Variants in SPRR2G observed in about 807,000 individuals in gnomAD.
SPRR2G encodes small proline-rich protein 2G.
SPRR2G carries 1 observed loss-of-function variant against 0.7 expected under a neutral mutation model. The ratio of observed to expected loss-of-function variants is 1.49; its 90% CI spans 0.53 to 7.06. SPRR2G has a LOEUF of 7.06. Ranked by LOEUF, SPRR2G falls within the 30% of genes most tolerant of loss-of-function variation. SPRR2G has a pLI of 0.14. For synonymous variants in SPRR2G, 38 were observed against 33.9 expected (o/e 1.12, Z -0.42); for missense variants, 96 against 88.5 (o/e 1.09, Z -0.34).
the SPRR2G span, among the ~76,000 whole-genome samples, chr1:153,193,651 A>C: frequency 6.6e-6 from 1 of 152,100 alleles, no homozygotes. Flanking sequence ...CATATGAAAG[A>C]TGCTAAACAC....
the SPRR2G span, among the ~76,000 whole-genome samples, chr1:153,171,137 T>C: frequency 3.3e-5 from 5 of 152,316 alleles, no homozygotes; most frequent in African/African-American, 1.2e-4. Flanking sequence ...CCAGTATGAC[T>C]GAAATGTTGA....
chr1:153,161,628 A>G, the SPRR2G span, among the ~76,000 whole-genome samples: 1 of 152,104 alleles, frequency 6.6e-6, no homozygotes, highest in Non-Finnish European at 1.5e-5. Flanking sequence ...TTTTCATGTA[A>G]GTTTCATCTA....
Position 153,150,036 on chromosome 1 carries a change from C to T in SPRR2G, c.75G>A (p.Glu25=). Residue 25 remains glutamate (E), a synonymous_variant, in exon 2 of 2, where the codon GAG becomes GAA. Transcript: ENST00000368748. ...CAGGGCACTTCGGGGGTGGACATGG[C>T]TCTGGGCACTTTGGCGTGGGGCACA... The part of the protein sequence containing the change: ...PPVCPTPKCP[E]PCPPPKCPEP... 1 of 1,613,552 alleles carries T rather than the reference C, an allele frequency of 6.2e-7. No individual in the cohort carries two copies. Among genetic ancestry groups the T allele is most frequent in the Non-Finnish European group, 8.5e-7 (1 of 1,179,896 alleles).
At chr1:153,153,275 A>G (rs959918541), upstream of SPRR2G, among the ~76,000 whole-genome samples, 8 of 152,162 alleles carry the variant, frequency 5.3e-5, no homozygotes, top group African/African-American at 1.4e-4. Context: ...ATGTTCAAAG[A>G]TATTTTAAAA....
At chr1:153,180,268 G>C in the SPRR2G span, among the ~76,000 whole-genome samples, 1 of 152,122 alleles carries the variant, frequency 6.6e-6, no homozygotes, top group African/African-American at 2.4e-5. Context: ...AGCAGTCCGA[G>C]TCACTACCAG....
At chr1:153,162,623 C>CCA in the SPRR2G span, among the ~76,000 whole-genome samples, 1 of 108,984 alleles carries the variant, frequency 9.2e-6, no homozygotes, top group East Asian at 3.5e-4. Flanking sequence ...TGCTTGGTGA[C>CCA]CAGAGAGAAA....
chr1:153,157,821 C>T, the SPRR2G span, among the ~76,000 whole-genome samples: 1 of 151,200 alleles, frequency 6.6e-6, no homozygotes, highest in Non-Finnish European at 1.5e-5. Context: ...GTTTAACTGA[C>T]TCACAGTTCC....
At chr1:153,178,833 A>C in the SPRR2G span, among the ~76,000 whole-genome samples, 3 of 152,160 alleles carry the variant, frequency 2.0e-5, no homozygotes, top group Non-Finnish European at 4.4e-5. Flanking sequence ...TTATGAAAGA[A>C]ATTATGTATG....
At chr1:153,186,651 C>A in the SPRR2G span, among the ~76,000 whole-genome samples, 2 of 152,080 alleles carry the variant, frequency 1.3e-5, no homozygotes, top group African/African-American at 2.4e-5. Flanking sequence ...ACTCTTTATC[C>A]ACTTTGCCAG....
chr1:153,171,639 G>T, the SPRR2G span, among the ~76,000 whole-genome samples: 1 of 152,160 alleles, frequency 6.6e-6, no homozygotes, highest in African/African-American at 2.4e-5. Flanking sequence ...CCAAAATGCT[G>T]AAAGTTGACT....
chr1:153,187,050 G>A, the SPRR2G span, among the ~76,000 whole-genome samples: 1 of 152,162 alleles, frequency 6.6e-6, no homozygotes, highest in Non-Finnish European at 1.5e-5. Context: ...GGCATGTAGG[G>A]TTTCTGCAGA....
upstream of SPRR2G, among the ~76,000 whole-genome samples, chr1:153,155,185 T>C (rs949749273): frequency 6.6e-6 from 1 of 152,112 alleles, no homozygotes; most frequent in African/African-American, 2.4e-5. Flanking sequence ...AACTCACTCA[T>C]CTACATTTGC....
At chr1:153,160,553 C>T in the SPRR2G span, among the ~76,000 whole-genome samples, 2 of 152,252 alleles carry the variant, frequency 1.3e-5, no homozygotes, top group Non-Finnish European at 1.5e-5. Context: ...TCCTCATCAA[C>T]ACTTGTTATC....
chr1:153,192,623 T>A, the SPRR2G span, among the ~76,000 whole-genome samples: 10 of 152,366 alleles, frequency 6.6e-5, no homozygotes, highest in African/African-American at 1.7e-4. Flanking sequence ...ACCTGCTGGT[T>A]GATTTCAGAC....
the SPRR2G span, among the ~76,000 whole-genome samples, chr1:153,182,855 CAT>C: frequency 1.3e-5 from 2 of 152,026 alleles, no homozygotes; most frequent in Non-Finnish European, 1.5e-5. Flanking sequence ...CATGTGTGCA[CAT>C]GTCTTTGTAG....
At chr1:153,197,764 T>C in the SPRR2G span, among the ~76,000 whole-genome samples, 1 of 152,250 alleles carries the variant, frequency 6.6e-6, no homozygotes, top group East Asian at 1.9e-4. Flanking sequence ...GAAGGTGGAA[T>C]TTTCAAATTG....
chr1:153,189,791 T>G, the SPRR2G span, among the ~76,000 whole-genome samples: 1 of 152,074 alleles, frequency 6.6e-6, no homozygotes, highest in African/African-American at 2.4e-5. Flanking sequence ...CAAGGTGGGA[T>G]GAGTAAGGAG....
At chr1:153,189,536 T>C in the SPRR2G span, among the ~76,000 whole-genome samples, 4 of 152,154 alleles carry the variant, frequency 2.6e-5, no homozygotes, top group African/African-American at 9.7e-5. Flanking sequence ...CATAGAACCA[T>C]AGAAAATATT....
chr1:153,162,205 G>A, the SPRR2G span, among the ~76,000 whole-genome samples: 597 of 152,132 alleles, frequency 3.9e-3, 9 homozygotes, highest in African/African-American at 0.013. Flanking sequence ...TCCCCTCTAT[G>A]TGTCCATGTG....
Sources: allele counts gnomAD v4.1 joint callset (sites outside exome capture counted in the v4.1 genomes callset), GRCh38; gene constraint gnomAD v4.1.1; transcripts MANE v1.5; gene names NCBI Gene and HGNC (gene_info 2026-07-23, HGNC 2026-07-21).